Variants in AGBL1 observed in about 807,000 individuals in gnomAD.
The protein encoded by AGBL1 is cytosolic carboxypeptidase 4.
A neutral mutation model predicts 118.9 loss-of-function variants in AGBL1; 130 were observed. That is an observed-to-expected ratio of 1.09 (90% CI 0.95 to 1.26). The LOEUF is 1.26. Among genes scored for constraint, AGBL1 ranks in the 50% most tolerant of loss-of-function variants. AGBL1 has a pLI of 0.00. For synonymous variants in AGBL1, 555 were observed against 478.9 expected, an observed-to-expected ratio of 1.16 and a Z score of -2.08; for missense variants, 1,584 against 1,298.1, an observed-to-expected ratio of 1.22 and a Z score of -3.38.
chr15:86,943,120 T>C (rs2080775685), intron 23 of AGBL1, among the ~76,000 whole-genome samples: 1 of 152,190 alleles, frequency 6.6e-6, no homozygotes. Flanking sequence ...GTGTAAAAGC[T>C]CTAAAATCTC....
intron 1 of AGBL1, among the ~76,000 whole-genome samples, chr15:86,087,521 G>A (rs1895743150): frequency 6.6e-6 from 1 of 152,014 alleles, no homozygotes; most frequent in Admixed American, 6.6e-5. Flanking sequence ...TAGAGGCTGG[G>A]TTTTACCATG....
chr15:86,791,024 A>G (rs2078486043), intron 22 of AGBL1, among the ~76,000 whole-genome samples: 1 of 152,230 alleles, frequency 6.6e-6, no homozygotes, highest in Non-Finnish European at 1.5e-5. Flanking sequence ...CTGTCAGATG[A>G]TCAACAAGTA....
chr15:86,755,985 A>G (rs1430673681), intron 22 of AGBL1, among the ~76,000 whole-genome samples: 11 of 152,078 alleles, frequency 7.2e-5, no homozygotes, highest in Non-Finnish European at 1.6e-4. Context: ...AGAGGCTGGA[A>G]TTTCCCCATG....
At position 86,517,949 on chromosome 15, in the gene AGBL1, C is replaced by T. The variant is rs78617907; in HGVS notation, c.2556-4861C>T. On this transcript the variant is annotated intron_variant, in intron 18 of 22. Transcript: ENST00000614907. ...ATATTCTCCTCCTGCACCCTTCCTG[C>T]CTTCTTCACCTAGGATGTACAGTGA... 4.3e-3 allele frequency among the ~76,000 whole-genome samples: 658 copies of T among 152,308 alleles called. 6 individuals carry two copies. The highest frequency in any genetic ancestry group is 0.015 in the African/African-American group (609 of 41,562).
intron 18 of AGBL1, among the ~76,000 whole-genome samples, chr15:86,430,312 C>T (rs543587388): frequency 2.6e-5 from 4 of 151,744 alleles, no homozygotes; most frequent in South Asian, 4.2e-4. Flanking sequence ...CTGGCTAACA[C>T]GGTGAAACCC....
At chr15:86,677,670 C>G (rs2085873052) in intron 22 of AGBL1, among the ~76,000 whole-genome samples, 1 of 152,200 alleles carries the variant, frequency 6.6e-6, no homozygotes, top group East Asian at 1.9e-4. Flanking sequence ...TGTGCCTCAG[C>G]AATGGCTCAA....
At chr15:86,298,258 T>TATATATATATATATATATGGTAA (rs2079681665) in intron 17 of AGBL1, among the ~76,000 whole-genome samples, 2 of 96,404 alleles carry the variant, frequency 2.1e-5, no homozygotes, top group Non-Finnish European at 4.1e-5. Flanking sequence ...TATATATATA[T>TATATATATATATATATATGGTAA]ATATATATAT....
intron 22 of AGBL1, among the ~76,000 whole-genome samples, chr15:86,731,235 A>AT (rs1220524462): frequency 1.3e-5 from 2 of 152,118 alleles, no homozygotes; most frequent in East Asian, 3.9e-4. Flanking sequence ...GGTTCAGTTG[A>AT]TTTTTTGTTT....
chr15:86,284,940 A>G (rs2079418037), intron 16 of AGBL1, among the ~76,000 whole-genome samples: 1 of 152,110 alleles, frequency 6.6e-6, no homozygotes, highest in African/African-American at 2.4e-5. Context: ...GGGGGTTTCT[A>G]CAATTGCCTT....
chr15:86,860,452 AT>A (rs1361482002), intron 22 of AGBL1, among the ~76,000 whole-genome samples: 2 of 150,932 alleles, frequency 1.3e-5, no homozygotes, highest in African/African-American at 2.4e-5. Flanking sequence ...ATATATTTAT[AT>A]TTATATACAA....
chr15:86,090,497 A>G (rs145032361), intron 1 of AGBL1, among the ~76,000 whole-genome samples: 483 of 152,260 alleles, frequency 3.2e-3, no homozygotes, highest in African/African-American at 0.01. Context: ...ACACACTGCT[A>G]TTCAATTTGC....
At chr15:86,964,008 A>ACTCTCCCTCTCT (rs1555466860) in intron 23 of AGBL1, among the ~76,000 whole-genome samples, 1 of 139,470 alleles carries the variant, frequency 7.2e-6, no homozygotes, top group Non-Finnish European at 1.6e-5. Context: ...GAGCCAGGAA[A>ACTCTCCCTCTCT]CTCTCTCTCT....
chr15:86,240,917 T>C (rs909303833), intron 6 of AGBL1, among the ~76,000 whole-genome samples: 1 of 152,218 alleles, frequency 6.6e-6, no homozygotes, highest in Non-Finnish European at 1.5e-5. Flanking sequence ...ATTAAACATG[T>C]AACTGCTATC....
At chr15:86,987,404 A>G (rs2141733912) in intron 23 of AGBL1, among the ~76,000 whole-genome samples, 1 of 152,316 alleles carries the variant, frequency 6.6e-6, no homozygotes, top group African/African-American at 2.4e-5. Flanking sequence ...TTTTAGGTAG[A>G]TGTTTTAGAA....
At chr15:86,248,406 A>T (rs1323816700) in intron 7 of AGBL1, among the ~76,000 whole-genome samples, 1 of 152,220 alleles carries the variant, frequency 6.6e-6, no homozygotes, top group East Asian at 1.9e-4. Context: ...ACACTACCAG[A>T]GGTGCAGTGT....
intron 22 of AGBL1, among the ~76,000 whole-genome samples, chr15:86,864,033 C>T (rs997734827): frequency 1.3e-5 from 2 of 152,134 alleles, no homozygotes; most frequent in African/African-American, 4.8e-5. Flanking sequence ...CTGCTTGTCC[C>T]CAGTGAAGGC....
At chr15:86,089,752 T>C (rs576365885) in intron 1 of AGBL1, among the ~76,000 whole-genome samples, 26 of 152,182 alleles carry the variant, frequency 1.7e-4, no homozygotes, top group Middle Eastern at 3.4e-3. Flanking sequence ...ATCCCAGCCC[T>C]CTAAAGACAG....
rs2083077721 is a variant in AGBL1 at position 86,513,511 on chromosome 15, T to G, written c.2556-9299T>G. On this transcript the variant is annotated intron_variant, in intron 18 of 22. Coordinates refer to ENST00000614907, the MANE Select transcript of AGBL1 (RefSeq NM_001386094.1). The stretch of plus-strand genomic sequence containing the variant: ...GACTTCTCCATCATAAAGTTACTAT[T>G]ATTTGCTTTGGGATTAGTAAGTGTC... 2.6e-5 allele frequency among the ~76,000 whole-genome samples: 4 copies of G among 152,184 alleles called. No individual in the cohort carries two copies. In the South Asian group the frequency reaches 8.3e-4, roughly 32 times the overall value.
At chr15:86,553,099 G>A (rs2083685776) in intron 20 of AGBL1, among the ~76,000 whole-genome samples, 1 of 152,070 alleles carries the variant, frequency 6.6e-6, no homozygotes, top group Non-Finnish European at 1.5e-5. Flanking sequence ...AACTTGTTAT[G>A]CTTCTCTACT....
Sources: allele counts gnomAD v4.1 joint callset (sites outside exome capture counted in the v4.1 genomes callset), GRCh38; gene constraint gnomAD v4.1.1; transcripts MANE v1.5; gene names NCBI Gene and HGNC (gene_info 2026-07-23, HGNC 2026-07-21).